Variants in FADS2 observed in about 807,000 individuals in gnomAD.
FADS2 encodes fatty acid desaturase 2.
In FADS2, 18 loss-of-function variants were observed where a neutral mutation model predicts 61.2. That is an observed-to-expected ratio of 0.29 (90% CI 0.20 to 0.44). FADS2 has a LOEUF of 0.44. FADS2 is among the 20% of genes least tolerant of loss of function. FADS2 has a pLI of 1.00. For synonymous variants in FADS2, 203 were observed against 223.9 expected, an observed-to-expected ratio of 0.91 and a Z score of 0.83; for missense variants, 322 against 572.7, an observed-to-expected ratio of 0.56 and a Z score of 4.47.
upstream of FADS2, among the ~76,000 whole-genome samples, chr11:61,824,488 G>GAAA (rs1460124325): frequency 9.2e-5 from 5 of 54,254 alleles, 1 homozygote; most frequent in Admixed American, 2.8e-4. Flanking sequence ...GAGAGAGAGA[G>GAAA]AGAAAGAAAG....
At chr11:61,846,007 T>C (rs1336849555) in intron 4 of FADS2, among the ~76,000 whole-genome samples, 3 of 152,176 alleles carry the variant, frequency 2.0e-5, no homozygotes, top group Non-Finnish European at 1.5e-5. Context: ...CATGCCTTGC[T>C]CCTCAGTTTC....
At position 61,849,776 on chromosome 11, in the gene FADS2, T is replaced by C. The variant is rs532549264; in HGVS notation, c.744+1492T>C. ...CAGCTGTGGTGGCTCACACCTGTAATCCCAGCGCTTTGGGAGGCTGAAGTG... is the reference window on the plus strand; with the variant it reads ...CAGCTGTGGTGGCTCACACCTGTAACCCCAGCGCTTTGGGAGGCTGAAGTG... On this transcript the variant is annotated intron_variant, in intron 5 of 11. Transcript: ENST00000278840. 16 of 152,262 alleles carry C rather than the reference T, an allele frequency of 1.1e-4. No homozygotes were observed. The East Asian group carries it at 3.1e-3, about 29-fold the overall frequency. 9.4% of individuals were successfully genotyped at this position (152,262 alleles called of 1,614,324 possible).
At chr11:61,829,834 C>T (rs904353919) in intron 1 of FADS2, among the ~76,000 whole-genome samples, 2 of 152,160 alleles carry the variant, frequency 1.3e-5, no homozygotes, top group African/African-American at 4.8e-5. Context: ...TTCCCCACCT[C>T]TTGCATCTCA....
rs567790006 is a variant in FADS2, at chr11:61,848,433, G to A, written c.744+149G>A. 2.1e-6 allele frequency: 3 copies of A among 1,403,050 alleles called. No homozygotes were observed. In the East Asian group the frequency reaches 6.9e-5, roughly 32 times the overall value. 86.9% of individuals were successfully genotyped at this position (1,403,050 alleles called of 1,614,324 possible). On this transcript the variant is annotated intron_variant, in intron 5 of 11. Transcript: ENST00000278840. ...ATCGAGGTACGACTAAGGGGTTGGT[G>A]TTGACCTAGGAAGTGTTTGGCCTGA...
At chr11:61,838,413 C>T (rs918539761) in intron 2 of FADS2, among the ~76,000 whole-genome samples, 6 of 152,012 alleles carry the variant, frequency 3.9e-5, no homozygotes, top group South Asian at 4.2e-4. Context: ...ATGGCGGAGC[C>T]GTTTATAGAA....
chr11:61,862,649 T>A, intron 7 of FADS2: 1 of 337,850 alleles, frequency 3.0e-6, no homozygotes, highest in Non-Finnish European at 5.6e-6. Context: ...GGGCGCACCT[T>A]CAGAATCGCC....
chr11:61,822,371 CAT>C (rs1591160612), intron 1 of FADS2, among the ~76,000 whole-genome samples: 1 of 152,358 alleles, frequency 6.6e-6, no homozygotes, highest in East Asian at 1.9e-4. Flanking sequence ...TGAAGCCACA[CAT>C]GAAATTTAGT....
intron 1 of FADS2, among the ~76,000 whole-genome samples, chr11:61,835,419 G>T (rs1286179968): frequency 6.7e-6 from 1 of 148,974 alleles, no homozygotes; most frequent in Non-Finnish European, 1.5e-5. Context: ...TTTTGAGATG[G>T]AGTCTCGCTC....
intron 4 of FADS2, among the ~76,000 whole-genome samples, chr11:61,846,135 T>C (rs982605533): frequency 4.1e-4 from 61 of 149,922 alleles, no homozygotes; most frequent in Non-Finnish European, 7.1e-4. Flanking sequence ...TCTTTTCTTT[T>C]TTTTTTTTTT....
chr11:61,861,371 A>AAAAAAAAAAAAAAAAAAAAAAAAC (rs1555078396), intron 7 of FADS2, among the ~76,000 whole-genome samples: 3 of 106,458 alleles, frequency 2.8e-5, no homozygotes, highest in South Asian at 2.5e-4. Flanking sequence ...AAAAAAAAAA[A>AAAAAAAAAAAAAAAAAAAAAAAAC]CAGAAATTAG....
At position 61,865,465 on chromosome 11, in the gene FADS2, G is replaced by A; in HGVS notation, c.1284-173G>A. 2.1e-6 allele frequency: 2 copies of A among 962,986 alleles called. No individual in the cohort carries two copies. The highest frequency in any genetic ancestry group is 3.1e-6 in the Non-Finnish European group (2 of 646,108). 59.7% of individuals were successfully genotyped at this position (962,986 alleles called of 1,614,324 possible). A position where few individuals can be genotyped will look rare whatever the true frequency, so the allele number is the denominator to read the frequency against. On this transcript the variant is annotated intron_variant, in intron 11 of 11. Coordinates refer to ENST00000278840, the MANE Select transcript of FADS2 (RefSeq NM_004265.4). The surrounding 1 kb of genome is among the most constrained non-coding windows in gnomAD (Gnocchi z 4.1). ...CGAGAAGACCATCCCTTTCTGTGTGGGGTTCCTGGTGGGCTCTGAGCTGAC... is the reference window on the plus strand; with the variant it reads ...CGAGAAGACCATCCCTTTCTGTGTGAGGTTCCTGGTGGGCTCTGAGCTGAC...
At chr11:61,860,401 G>A (rs1486316745) in intron 7 of FADS2, among the ~76,000 whole-genome samples, 3 of 152,222 alleles carry the variant, frequency 2.0e-5, no homozygotes, top group Admixed American at 1.3e-4. Flanking sequence ...CCGGGGCCAC[G>A]TCCTGGATCC....
chr11:61,838,306 C>A (rs995357382), intron 2 of FADS2, among the ~76,000 whole-genome samples: 6 of 152,070 alleles, frequency 3.9e-5, no homozygotes, highest in Admixed American at 6.5e-5. Context: ...CAGACGCCCC[C>A]CTGGGTGCTG....
chr11:61,836,295 A>G (rs751862814), intron 1 of FADS2, among the ~76,000 whole-genome samples: 2 of 152,012 alleles, frequency 1.3e-5, no homozygotes, highest in Admixed American at 6.5e-5. Flanking sequence ...GTGGGATTTC[A>G]CCATGTTGCC....
chr11:61,819,575 A>C (rs991550757), intron 1 of FADS2, among the ~76,000 whole-genome samples: 1 of 152,232 alleles, frequency 6.6e-6, no homozygotes, highest in Non-Finnish European at 1.5e-5. Context: ...CTATTTATAA[A>C]CAAAAAATAT....
intron 4 of FADS2, among the ~76,000 whole-genome samples, chr11:61,845,629 C>T (rs574298762): frequency 1.6e-3 from 237 of 152,078 alleles, no homozygotes; most frequent in Middle Eastern, 6.8e-3. Context: ...CCCATCTCTA[C>T]TGAAAATATA....
At chr11:61,863,869 TG>T (rs1012405556) in intron 10 of FADS2, 83 bp downstream of exon 10, 2 of 1,094,566 alleles carry the variant, frequency 1.8e-6, no homozygotes, top group Non-Finnish European at 2.8e-6. Flanking sequence ...ATGCAGAATG[TG>T]GGGGCCACCT....
At chr11:61,843,676 G>A (rs2067233723) in intron 4 of FADS2, among the ~76,000 whole-genome samples, 1 of 152,128 alleles carries the variant, frequency 6.6e-6, no homozygotes, top group Non-Finnish European at 1.5e-5. Context: ...TTTGTTTTTT[G>A]AGATGGAGTT....
intron 9 of FADS2, 35 bp downstream of exon 9, chr11:61,863,413 C>T: frequency 1.4e-6 from 2 of 1,469,586 alleles, no homozygotes; most frequent in Non-Finnish European, 1.9e-6. Context: ...AGAGCCTGGT[C>T]CCAATGTCCA....
Sources: allele counts gnomAD v4.1 joint callset (sites outside exome capture counted in the v4.1 genomes callset), GRCh38; gene constraint gnomAD v4.1.1; non-coding constraint Gnocchi (gnomAD v3.1); transcripts MANE v1.5; gene names NCBI Gene and HGNC (gene_info 2026-07-23, HGNC 2026-07-21).